The following POTEF variants were observed in gnomAD, a reference collection of about 807,000 sequenced individuals.
POTEF encodes ANKRD26-like family C member 1B.
A neutral mutation model predicts 83.2 loss-of-function variants in POTEF; 20 were observed. The ratio of observed to expected loss-of-function variants is 0.24; its 90% confidence interval spans 0.17 to 0.35. The LOEUF (loss-of-function observed/expected upper bound fraction) is 0.35. POTEF is among the 10% of genes least tolerant of loss of function. The pLI, the probability that POTEF is intolerant of heterozygous loss-of-function variation, is 1.00. For missense variants in POTEF, 550 were observed against 1,203.2 expected, an observed-to-expected ratio of 0.46 and a Z score of 8.03; for synonymous variants, 196 against 446.4, an observed-to-expected ratio of 0.44 and a Z score of 7.07.
At chr2:130,115,149 C>T (rs1684811185) in intron 4 of POTEF, 65 bp downstream of exon 4, 1 of 1,611,996 alleles carries the variant, frequency 6.2e-7, no homozygotes, top group Middle Eastern at 2.1e-4. Flanking sequence ...AAGGAGAAAA[C>T]TCATTTTTAT....
chr2:130,114,124 C>CT (rs1684780918), intron 5 of POTEF, among the ~76,000 whole-genome samples: 2 of 151,286 alleles, frequency 1.3e-5, no homozygotes, highest in South Asian at 4.2e-4. Context: ...TTTCCTCTTA[C>CT]ATTACCACCT....
chr2:130,120,972 G>C (rs1684987725), intron 2 of POTEF: 3 of 251,684 alleles, frequency 1.2e-5, no homozygotes, highest in Non-Finnish European at 2.2e-5. Context: ...TGCAGCATGC[G>C]CGTGCAAGCC....
In POTEF at chr2:130,120,279, G is replaced by A. The variant is rs573245781; in HGVS notation, c.237C>T (p.Asn79=). 8.1e-6 allele frequency: 13 copies of A among 1,596,544 alleles called. No homozygotes were observed. In the Admixed American group the frequency reaches 8.5e-5, roughly 10 times the overall value. Residue 79 remains asparagine, a synonymous_variant, in exon 3 of 17, where the codon AAC becomes AAT. Coordinates refer to ENST00000409914, the MANE Select transcript of POTEF (RefSeq NM_001099771.2). ...FPCCRGSGKS[N]VGASGDHDDS... ...CGTCGTGGTCTCCAGAAGCGCCCAC[G>A]TTGCTCTTGCCACTCCCCCTGCAGC...
intron 11 of POTEF, among the ~76,000 whole-genome samples, chr2:130,095,021 C>T (rs1428454004): frequency 3.4e-5 from 5 of 148,930 alleles, no homozygotes; most frequent in Non-Finnish European, 7.4e-5. Flanking sequence ...AGAACCATGT[C>T]AAACTTTTTT....
chr2:130,117,031 G>C (rs1282362723), intron 3 of POTEF, among the ~76,000 whole-genome samples: 2 of 149,476 alleles, frequency 1.3e-5, no homozygotes, highest in African/African-American at 5.1e-5. Flanking sequence ...TGGATTGAAA[G>C]AATGGATGAA....
intron 8 of POTEF, among the ~76,000 whole-genome samples, chr2:130,105,884 C>CA (rs1366362443): frequency 1.3e-5 from 2 of 148,282 alleles, no homozygotes; most frequent in African/African-American, 5.1e-5. Flanking sequence ...TATCCCAATC[C>CA]CCCTCCTCAG....
At position 130,075,210 on chromosome 2, in the gene POTEF, C is replaced by G. The variant is rs533682010; in HGVS notation, c.2262G>C (p.Val754=). The change falls in exon 17 of 17, where the codon GTG becomes GTC. Residue 754 remains valine (V), a synonymous_variant. Transcript: ENST00000409914. Reference sequence around the variant, plus strand: ...CTCTTTTGCTCTGGGCCTCCTTGCCCACATAGGACTCTTTCTGATGCATGC... The same window carrying G: ...CTCTTTTGCTCTGGGCCTCCTTGCCGACATAGGACTCTTTCTGATGCATGC... ...MGGMHQKESY[V]GKEAQSKRGI... The G allele has an allele frequency of 1.2e-5, 20 of 1,612,500 alleles. No individual in the cohort carries two copies. The highest frequency in any genetic ancestry group is 1.7e-5 in the Non-Finnish European group (20 of 1,179,892).
chr2:130,119,356 CA>C (rs1684937641), intron 3 of POTEF, among the ~76,000 whole-genome samples: 4 of 151,834 alleles, frequency 2.6e-5, no homozygotes, highest in East Asian at 3.9e-4. Context: ...TTAGTAGAGA[CA>C]GGGTTTCACC....
At chr2:130,100,877 AAAT>A (rs1684352337) in intron 9 of POTEF, among the ~76,000 whole-genome samples, 157 bp from the exon 10 acceptor site, 2 of 146,876 alleles carry the variant, frequency 1.4e-5, no homozygotes, top group Non-Finnish European at 3.0e-5. Context: ...ACTGTTAAAT[AAAT>A]AATAATTAAA....
At chr2:130,109,186 G>C (rs1186650488) in intron 7 of POTEF, 1 of 150,924 alleles carries the variant, frequency 6.6e-6, no homozygotes, top group Non-Finnish European at 1.5e-5. Context: ...ATAGTCAAAT[G>C]ACCTTCCAGT....
In POTEF at chr2:130,120,254, C is replaced by T. The variant is rs375199302; in HGVS notation, c.262G>A (p.Asp88Asn). ...TTCCTGAGTGTCTTCATAGCAGAGTCGTCGTGGTCTCCAGAAGCGCCCACG... is the reference window on the plus strand; with the variant it reads ...TTCCTGAGTGTCTTCATAGCAGAGTTGTCGTGGTCTCCAGAAGCGCCCACG... ...SNVGASGDHD[D>N]SAMKTLRNKM... is the part of the protein sequence containing the mutation. Residue 88 changes from aspartate to asparagine, a missense_variant, in exon 3 of 17, where the codon GAC becomes AAC. Asp to Asn is a conservative substitution (Grantham distance 23, BLOSUM62 1). Transcript: ENST00000409914. 75 of 1,603,536 alleles carry T rather than the reference C, an allele frequency of 4.7e-5. 2 individuals are homozygous for T. In the African/African-American group the frequency reaches 8.8e-4, roughly 19 times the overall value.
chr2:130,113,341 C>CA (rs3030046), intron 5 of POTEF, among the ~76,000 whole-genome samples: 33,028 of 77,120 alleles, frequency 0.43, 6,694 homozygotes, highest in Middle Eastern at 0.5. Flanking sequence ...GACCCCATCT[C>CA]AAAAAAAAAA....
intron 8 of POTEF, among the ~76,000 whole-genome samples, chr2:130,104,047 A>C (rs1326640965): frequency 7.4e-5 from 11 of 148,156 alleles, no homozygotes; most frequent in Admixed American, 2.0e-4. Flanking sequence ...AGATCACTTT[A>C]AATGCCAAAA....
intron 2 of POTEF, 39 bp from the exon 3 acceptor site, chr2:130,120,647 C>G (rs1573617588): frequency 6.5e-7 from 1 of 1,536,104 alleles, no homozygotes; most frequent in Non-Finnish European, 8.8e-7. Context: ...CAAAACCTGC[C>G]AACCCCAGCA....
Position 130,075,016 on chromosome 2 carries a change from A to G in POTEF, c.2456T>C (p.Met819Thr), listed in dbSNP as rs374714200. Reference sequence around the variant, plus strand: ...GAAGGTCTCAAACATGATCTGGGTCATCTTCTCGCGGTTGGCCTTAGGGTT... The same window carrying G: ...GAAGGTCTCAAACATGATCTGGGTCGTCTTCTCGCGGTTGGCCTTAGGGTT... ...TLNPKANREK[M>T]TQIMFETFNT... The change falls in exon 17 of 17, where the codon ATG (methionine) becomes ACG (threonine). Residue 819 changes from methionine to threonine, a missense_variant. Met to Thr is a moderately conservative substitution (Grantham distance 81, BLOSUM62 -1). Transcript: ENST00000409914. The G allele has an allele frequency of 3.8e-5, 62 of 1,613,414 alleles. No homozygotes were observed. The highest frequency in any genetic ancestry group is 1.7e-4 in the Admixed American group (10 of 59,902).
rs1045896867 is a variant in POTEF at position 130,109,893 on chromosome 2, G to A, written c.1055+650C>T. Among the ~76,000 whole-genome samples, 37 of 151,408 alleles carry A rather than the reference G, an allele frequency of 2.4e-4. 2 individuals carry two copies. The highest frequency in any genetic ancestry group is 9.1e-4 in the African/African-American group (37 of 40,868). ...AGGGGGCTGGTGCTCTGGGAACAATGGCTGAGCATATAAGCATAGGTATGG... is the reference window on the plus strand; with the variant it reads ...AGGGGGCTGGTGCTCTGGGAACAATAGCTGAGCATATAAGCATAGGTATGG... On this transcript the variant is annotated intron_variant, in intron 7 of 16. Coordinates refer to ENST00000409914, the MANE Select transcript of POTEF (RefSeq NM_001099771.2).
At chr2:130,111,803 AGAG>A (rs1295676752) in intron 6 of POTEF, among the ~76,000 whole-genome samples, 189 bp downstream of exon 6, 2 of 146,712 alleles carry the variant, frequency 1.4e-5, no homozygotes, top group East Asian at 2.0e-4. Context: ...CAATATAATA[AGAG>A]AAGATGAATC....
Position 130,074,217 on chromosome 2 carries a change from G to T in POTEF, c.*27C>A, listed in dbSNP as rs370817161. ...AGAAGTTTGGTTTTGTCAAGAAAGG[G>T]TGTAACGCAACTAAGTCAGAGTCCA... On this transcript the variant is annotated 3_prime_UTR_variant, in exon 17 of 17. Transcript: ENST00000409914. The T allele has an allele frequency of 6.2e-6, 10 of 1,608,596 alleles. 2 individuals are homozygous for T. Among genetic ancestry groups the T allele is most frequent in the Non-Finnish European group, 7.6e-6 (9 of 1,178,236 alleles).
rs765642371 is a variant in POTEF at position 130,085,849 on chromosome 2, CT to C, written c.1742del (p.Gln581ArgfsTer37). The part of the protein sequence containing the change: ...PPRKSRTPES[Q>X]QFPDTENEEY... The stretch of plus-strand genomic sequence containing the variant: ...CTTCATTCTCAGTGTCAGGAAATTG[CT>C]GGCTTTCAGGTGTTCTGCTCTTCCT... On this transcript the variant is annotated frameshift_variant, in exon 15 of 17. Coordinates refer to ENST00000409914, the MANE Select transcript of POTEF (RefSeq NM_001099771.2). LOFTEE classifies it high-confidence loss of function. The C allele has an allele frequency of 1.1e-5, 10 of 918,328 alleles. 4 individuals are homozygous for C. The highest frequency in any genetic ancestry group is 1.4e-5 in the Non-Finnish European group (10 of 690,114). 56.9% of individuals were successfully genotyped at this position (918,328 alleles called of 1,614,324 possible).
Sources: gnomAD v4.1 joint callset for allele counts (sites outside exome capture counted in the v4.1 genomes callset) on GRCh38, gnomAD v4.1.1 for gene constraint, MANE v1.5 for transcripts, NCBI Gene and HGNC (gene_info 2026-07-23, HGNC 2026-07-21) for gene names.